Variants in SNAP23 observed in about 807,000 individuals in gnomAD.
The protein encoded by SNAP23 is synaptosome associated protein 23, also known as synaptosomal-associated protein 23.
A neutral mutation model predicts 29.0 loss-of-function variants in SNAP23; 11 were observed. The observed-to-expected ratio is 0.38, with a 90% confidence interval of 0.24 to 0.63. SNAP23 has a LOEUF of 0.63. Ranked by LOEUF, SNAP23 falls within the 20% of genes least tolerant of loss-of-function variation. The pLI is 0.58. For missense variants in SNAP23, 220 were observed against 253.9 expected (o/e 0.87, Z 0.91); for synonymous variants, 60 against 82.9 (o/e 0.72, Z 1.50).
At chr15:42,526,248 T>A (rs942346445) in intron 5 of SNAP23, among the ~76,000 whole-genome samples, 1 of 152,226 alleles carries the variant, frequency 6.6e-6, no homozygotes, top group Non-Finnish European at 1.5e-5. Flanking sequence ...ACCTTTCTTA[T>A]TATTAACAAA....
intron 5 of SNAP23, among the ~76,000 whole-genome samples, chr15:42,518,930 T>G (rs899592032): frequency 3.3e-5 from 5 of 151,892 alleles, no homozygotes; most frequent in Admixed American, 1.3e-4. Context: ...TGGTATGATC[T>G]TGGCTCACTG....
intron 1 of SNAP23, among the ~76,000 whole-genome samples, chr15:42,496,271 A>G (rs527634545): frequency 6.6e-6 from 1 of 152,290 alleles, no homozygotes; most frequent in East Asian, 1.9e-4. Context: ...AGTCACCACA[A>G]TGTTAGGAAA....
chr15:42,516,101 T>C (rs1567045808), intron 5 of SNAP23, among the ~76,000 whole-genome samples: 1 of 152,202 alleles, frequency 6.6e-6, no homozygotes, highest in African/African-American at 2.4e-5. Flanking sequence ...AGTTGACAGA[T>C]TGGAGTGGAG....
At chr15:42,499,335 G>C (rs1177064297) in intron 1 of SNAP23, among the ~76,000 whole-genome samples, 1 of 152,152 alleles carries the variant, frequency 6.6e-6, no homozygotes, top group Non-Finnish European at 1.5e-5. Flanking sequence ...GCCTCCCAAA[G>C]TGTTGGGATT....
chr15:42,524,826 G>A (rs1396827622), intron 5 of SNAP23, among the ~76,000 whole-genome samples: 1 of 152,130 alleles, frequency 6.6e-6, no homozygotes, highest in Admixed American at 6.6e-5. Context: ...TAGATAAGCA[G>A]CTATCTGACA....
chr15:42,530,525 G>A (rs761625445), intron 7 of SNAP23, among the ~76,000 whole-genome samples: 3 of 152,196 alleles, frequency 2.0e-5, no homozygotes, highest in East Asian at 1.9e-4. Context: ...TTTGAGAGGC[G>A]GAGGCAGGAG....
At chr15:42,530,020 A>T (rs1011375883) in intron 7 of SNAP23, among the ~76,000 whole-genome samples, 17 of 152,218 alleles carry the variant, frequency 1.1e-4, no homozygotes, top group Admixed American at 1.1e-3. Flanking sequence ...TTTTGAAACC[A>T]GAGTTTTGGA....
intron 1 of SNAP23, among the ~76,000 whole-genome samples, chr15:42,508,953 G>T (rs116184065): frequency 0.01 from 1,530 of 152,160 alleles, 33 homozygotes; most frequent in African/African-American, 0.036. Flanking sequence ...TCTCTGTCGG[G>T]CATTGAGGAG....
At chr15:42,525,087 G>T (rs1223165784) in intron 5 of SNAP23, among the ~76,000 whole-genome samples, 1 of 152,194 alleles carries the variant, frequency 6.6e-6, no homozygotes, top group African/African-American at 2.4e-5. Flanking sequence ...TTCAAAGTCA[G>T]CTGGGCGCGG....
At position 42,528,439 on chromosome 15, in the gene SNAP23, A is replaced by G; in HGVS notation, c.425+19A>G. ...TTAAACGGTATGCCAACTCCTCCTG[A>G]TATTCCTGTACCTTTCTTAATGAAT... On this transcript the variant is annotated intron_variant, in intron 6 of 7. Coordinates refer to ENST00000249647, the MANE Select transcript of SNAP23 (RefSeq NM_003825.4). The G allele has an allele frequency of 6.2e-7, 1 of 1,613,128 alleles. No individual in the cohort carries two copies. Among genetic ancestry groups the G allele is most frequent in the Non-Finnish European group, 8.5e-7 (1 of 1,179,116 alleles).
At chr15:42,494,510 CTTT>C (rs71108164), upstream of SNAP23, among the ~76,000 whole-genome samples, 58 of 122,324 alleles carry the variant, frequency 4.7e-4, no homozygotes, top group Admixed American at 6.0e-4. Flanking sequence ...TTTTTTCTTT[CTTT>C]TTTTTTTTTT....
intron 7 of SNAP23, 77 bp downstream of exon 7, chr15:42,529,896 T>C: frequency 1.4e-6 from 2 of 1,462,538 alleles, no homozygotes; most frequent in Non-Finnish European, 1.9e-6. Context: ...TGCTAGATAC[T>C]GTGGGGGACA....
At chr15:42,527,136 C>T (rs537704624) in intron 5 of SNAP23, among the ~76,000 whole-genome samples, 37 of 152,240 alleles carry the variant, frequency 2.4e-4, no homozygotes, top group Non-Finnish European at 4.6e-4. Context: ...CTGTGCCCGG[C>T]CTTGATCGTT....
At chr15:42,528,076 T>C (rs2057520530) in intron 5 of SNAP23, 186 bp from the exon 6 acceptor site, 4 of 526,416 alleles carry the variant, frequency 7.6e-6, no homozygotes, top group Non-Finnish European at 1.0e-5. Flanking sequence ...TGTCAATGGG[T>C]TTACATAATT....
upstream of SNAP23, among the ~76,000 whole-genome samples, chr15:42,494,482 C>T (rs866735653): frequency 5.3e-5 from 8 of 149,696 alleles, no homozygotes; most frequent in African/African-American, 1.5e-4. Context: ...TACAGACACC[C>T]GCCACCACAC....
Position 42,513,150 on chromosome 15 carries a change from ATTTTCTGTTT to A in SNAP23, c.99+157_99+166del, listed in dbSNP as rs995390420. ...AATGTCAAACCATGCACTAATGGGA[ATTTTCTGTTT>A]TTCCCTTTAACAGTATTGGAATATG... On this transcript the variant is annotated intron_variant, in intron 3 of 7. Transcript: ENST00000249647. 9.1e-6 allele frequency: 7 copies of A among 765,996 alleles called. No individual in the cohort carries two copies. The African/African-American group carries it at 1.2e-4, about 13-fold the overall frequency. 47.4% of individuals were successfully genotyped at this position (765,996 alleles called of 1,614,324 possible). A position where few individuals can be genotyped will look rare whatever the true frequency, so the allele number is the denominator to read the frequency against.
intron 1 of SNAP23, chr15:42,505,393 A>G (rs995400909): frequency 2.0e-5 from 3 of 151,524 alleles, no homozygotes; most frequent in Non-Finnish European, 4.4e-5. Context: ...CTCTTTCTTC[A>G]TTACTTCTTG....
At chr15:42,507,613 CTT>C (rs946645224) in intron 1 of SNAP23, among the ~76,000 whole-genome samples, 2 of 152,162 alleles carry the variant, frequency 1.3e-5, no homozygotes, top group Non-Finnish European at 2.9e-5. Context: ...CACCAGTTCT[CTT>C]TTCTGTAATA....
chr15:42,492,542 G>C (rs1388977785), upstream of SNAP23, among the ~76,000 whole-genome samples: 1 of 151,934 alleles, frequency 6.6e-6, no homozygotes, highest in Non-Finnish European at 1.5e-5. Flanking sequence ...GCTGGGCGTG[G>C]TGGTGCGTGC....
Sources: allele counts gnomAD v4.1 joint callset (sites outside exome capture counted in the v4.1 genomes callset), GRCh38; gene constraint gnomAD v4.1.1; transcripts MANE v1.5; gene names NCBI Gene and HGNC (gene_info 2026-07-23, HGNC 2026-07-21).